Variants in SDK1 observed in about 807,000 individuals in gnomAD.
SDK1 encodes the protein sidekick cell adhesion molecule 1.
In SDK1, 157 loss-of-function variants were observed where a neutral mutation model predicts 245.5. That is an observed-to-expected ratio of 0.64 (90% CI 0.56 to 0.73). The LOEUF (loss-of-function observed/expected upper bound fraction) is 0.73, where lower values mean the gene tolerates loss of function less well. Among genes scored for constraint, SDK1 ranks in the 30% least tolerant of loss-of-function variants. SDK1 has a pLI of 0.00. For synonymous variants in SDK1, 1,647 were observed against 1,278.5 expected, an observed-to-expected ratio of 1.29 and a Z score of -6.15; for missense variants, 3,583 against 3,002.3, an observed-to-expected ratio of 1.19 and a Z score of -4.52.
At position 4,148,947 on chromosome 7, in the gene SDK1, T is replaced by C. The variant is rs375797165; in HGVS notation, c.4424-315T>C. ...GGTGCACACCTGTAGTCCCAGCTAC[T>C]CAGGAAGCTGAGGCAGGAGAATCCC... is the stretch of plus-strand genomic sequence containing the variant. On this transcript the variant is annotated intron_variant, in intron 29 of 44. Transcript: ENST00000404826. 2.5e-3 allele frequency among the ~76,000 whole-genome samples: 379 copies of C among 152,232 alleles called. 17 individuals carry two copies. In the South Asian group the frequency reaches 0.074, roughly 30 times the overall value.
intron 22 of SDK1, among the ~76,000 whole-genome samples, chr7:4,098,567 T>C (rs945735780): frequency 2.6e-5 from 4 of 152,166 alleles, no homozygotes; most frequent in Non-Finnish European, 5.9e-5. Context: ...TGCTACAGAT[T>C]AGATTACTAA....
At chr7:3,917,363 C>A (rs1234105174) in intron 5 of SDK1, among the ~76,000 whole-genome samples, 1 of 152,100 alleles carries the variant, frequency 6.6e-6, no homozygotes, top group Non-Finnish European at 1.5e-5. Context: ...ATCAGGTGTC[C>A]TCTTTGAGGG....
chr7:4,094,712 T>G lies in SDK1; in HGVS notation c.3324+15128T>G, dbSNP rs953437583. Among the ~76,000 whole-genome samples, 13 of 152,246 alleles carry G rather than the reference T, an allele frequency of 8.5e-5. No homozygotes were observed. In the East Asian group the frequency reaches 2.5e-3, roughly 29 times the overall value. On this transcript the variant is annotated intron_variant, in intron 22 of 44. Coordinates refer to ENST00000404826, the MANE Select transcript of SDK1 (RefSeq NM_152744.4). ...GCACAGCAAAGCCAAACCATTGACA[T>G]CGGGATTGCAGCGAGAGAAAGTGAG...
At chr7:3,314,878 A>G (rs920961955) in intron 1 of SDK1, among the ~76,000 whole-genome samples, 1 of 151,348 alleles carries the variant, frequency 6.6e-6, no homozygotes, top group Non-Finnish European at 1.5e-5. Context: ...TTCATCATAC[A>G]TCCTATTGGC....
At chr7:3,575,194 C>G (rs1177259690) in intron 1 of SDK1, among the ~76,000 whole-genome samples, 1 of 152,064 alleles carries the variant, frequency 6.6e-6, no homozygotes, top group Non-Finnish European at 1.5e-5. Flanking sequence ...TGAGGGCTCC[C>G]TTCTTGGCTT....
chr7:4,061,290 C>T (rs1779524103), intron 19 of SDK1, among the ~76,000 whole-genome samples: 1 of 152,094 alleles, frequency 6.6e-6, no homozygotes, highest in South Asian at 2.1e-4. Context: ...AATGTTCTTC[C>T]ATTTGTTTGT....
chr7:4,113,005 C>T (rs1302609947), intron 23 of SDK1, among the ~76,000 whole-genome samples: 2 of 152,152 alleles, frequency 1.3e-5, no homozygotes, highest in Admixed American at 1.3e-4. Context: ...CCCCCGCTGC[C>T]TCCTGCCTCA....
At chr7:3,859,501 A>C (rs1353908633) in intron 5 of SDK1, among the ~76,000 whole-genome samples, 1 of 152,058 alleles carries the variant, frequency 6.6e-6, no homozygotes, top group Non-Finnish European at 1.5e-5. Flanking sequence ...TGATGTTGTA[A>C]AGACCTGAGT....
intron 1 of SDK1, among the ~76,000 whole-genome samples, chr7:3,586,273 C>T (rs147779671): frequency 2.8e-4 from 43 of 151,968 alleles, no homozygotes; most frequent in Non-Finnish European, 4.3e-4. Context: ...CATAGACCTC[C>T]GAAAGAGCCC....
At chr7:4,216,360 GCTCCCACTCTCACCCGGAGGGGCTGCA>G (rs1330344985) in intron 38 of SDK1, among the ~76,000 whole-genome samples, 1 of 152,174 alleles carries the variant, frequency 6.6e-6, no homozygotes, top group Non-Finnish European at 1.5e-5. Context: ...CACGGCCGCT[GCTCCCACTCTCACCCGGAGGGGCTGCA>G]CTCCCGTCTG....
At chr7:3,651,399 G>T (rs958110729) in intron 4 of SDK1, among the ~76,000 whole-genome samples, 1 of 152,148 alleles carries the variant, frequency 6.6e-6, no homozygotes, top group Non-Finnish European at 1.5e-5. Flanking sequence ...CAAACTTCTT[G>T]TTGTGAGAAA....
chr7:3,342,327 G>A (rs566554771), intron 1 of SDK1, among the ~76,000 whole-genome samples: 1 of 152,284 alleles, frequency 6.6e-6, no homozygotes, highest in East Asian at 1.9e-4. Flanking sequence ...GGTGGCTCAT[G>A]CCTGTAATCC....
intron 32 of SDK1, among the ~76,000 whole-genome samples, chr7:4,162,957 G>A (rs999076965): frequency 1.3e-5 from 2 of 152,222 alleles, no homozygotes; most frequent in Non-Finnish European, 2.9e-5. Context: ...GAGTGGGGCG[G>A]GGAGCTGTGC....
chr7:4,114,016 C>T lies in SDK1; in HGVS notation c.3586-21C>T, dbSNP rs374385601. Reference sequence around the variant, plus strand: ...GCAGTTCTGAGATGTCAGCTCATCGCGACTCCTCGTTCCTTCCTAGCCCCT... The same window carrying T: ...GCAGTTCTGAGATGTCAGCTCATCGTGACTCCTCGTTCCTTCCTAGCCCCT... On this transcript the variant is annotated intron_variant, in intron 24 of 44. Transcript: ENST00000404826. 3.3e-5 allele frequency: 53 copies of T among 1,602,346 alleles called. No individual in the cohort carries two copies. In the African/African-American group the frequency reaches 3.7e-4, roughly 11 times the overall value.
chr7:4,088,338 A>G (rs908923440), intron 22 of SDK1, among the ~76,000 whole-genome samples: 7 of 151,774 alleles, frequency 4.6e-5, no homozygotes, highest in African/African-American at 1.7e-4. Flanking sequence ...TTCTTTGAGT[A>G]TTTTGTAATC....
chr7:4,226,427 G>A (rs1397448397), intron 40 of SDK1, among the ~76,000 whole-genome samples: 4 of 152,338 alleles, frequency 2.6e-5, no homozygotes, highest in African/African-American at 7.2e-5. Flanking sequence ...TGGGCAGCCC[G>A]GGCAGATGGT....
intron 2 of SDK1, among the ~76,000 whole-genome samples, chr7:3,624,385 G>C (rs568041058): frequency 8.5e-5 from 13 of 152,202 alleles, no homozygotes; most frequent in Non-Finnish European, 1.5e-4. Flanking sequence ...TTTTTGTGCA[G>C]ATGGGGTTGC....
chr7:3,990,836 G>A (rs1353765509), intron 14 of SDK1, among the ~76,000 whole-genome samples: 1 of 152,352 alleles, frequency 6.6e-6, no homozygotes. Flanking sequence ...AGAAGGCATG[G>A]CTTTGAGATG....
At chr7:4,025,549 G>A (rs1345587395) in intron 17 of SDK1, among the ~76,000 whole-genome samples, 1 of 152,168 alleles carries the variant, frequency 6.6e-6, no homozygotes, top group Non-Finnish European at 1.5e-5. Flanking sequence ...GTTACTGTGA[G>A]CATCACCTTA....
Sources: gnomAD v4.1 joint callset for allele counts (sites outside exome capture counted in the v4.1 genomes callset) on GRCh38, gnomAD v4.1.1 for gene constraint, MANE v1.5 for transcripts, NCBI Gene and HGNC (gene_info 2026-07-23, HGNC 2026-07-21) for gene names.